SIGLEC11: variants seen among roughly 807,000 people sequenced by gnomAD.
SIGLEC11 encodes the protein sialic acid binding Ig like lectin 11.
SIGLEC11 carries 47 observed loss-of-function variants against 61.2 expected under a neutral mutation model. The ratio of observed to expected loss-of-function variants is 0.77; its 90% CI spans 0.61 to 0.98. The LOEUF (loss-of-function observed/expected upper bound fraction) is 0.98, where lower values mean the gene tolerates loss of function less well. Among genes scored for constraint, SIGLEC11 ranks in the 50% least tolerant of loss-of-function variants. The probability of loss-of-function intolerance (pLI) is 0.00; values close to 1 mark genes in which losing one functional copy is unlikely to be tolerated. For missense variants in SIGLEC11, 610 were observed against 870.3 expected (o/e 0.70, Z 3.76); for synonymous variants, 278 against 373.1 (o/e 0.75, Z 2.94).
chr19:49,955,399 G>A lies in SIGLEC11; in HGVS notation c.1651+2884C>T, dbSNP rs73932070. On this transcript the variant is annotated intron_variant, in intron 8 of 10. Coordinates refer to ENST00000447370, the MANE Select transcript of SIGLEC11 (RefSeq NM_052884.3). The surrounding 1 kb of genome is among the most constrained non-coding windows in gnomAD (Gnocchi z 4.5). The stretch of plus-strand genomic sequence containing the variant: ...CCTCTGGGCCTATAACGGCCCAGGG[G>A]TGGACTACGGCTGTGCAGATCCTAC... Among the ~76,000 whole-genome samples the A allele has an allele frequency of 7.1e-4, 108 of 152,260 alleles. No homozygotes were observed. Among genetic ancestry groups the A allele is most frequent in the African/African-American group, 2.6e-3 (106 of 41,546 alleles).
In SIGLEC11 at chr19:49,958,490, C is replaced by A; in HGVS notation, c.1444G>T (p.Ala482Ser). 1.2e-6 allele frequency: 2 copies of A among 1,610,830 alleles called. No homozygotes were observed. The highest frequency in any genetic ancestry group is 1.7e-6 in the Non-Finnish European group (2 of 1,178,932). Residue 482 changes from alanine (A) to serine (S), a missense_variant, in exon 8 of 11, where the codon GCC becomes TCC. Ala to Ser is a moderately conservative substitution (Grantham distance 99). Transcript: ENST00000447370. ...HCSCSSQASP[A>S]PSLRWWLGEE... ...CCAAGCCACCAGCGCAGAGAGGGGG[C>A]CGGGCTGGCCTGGGAGGAGCAGCTG...
chr19:49,960,612 C>A lies in SIGLEC11; in HGVS notation c.400G>T (p.Glu134Ter), dbSNP rs1316908823. 2 of 1,600,556 alleles carry A rather than the reference C, an allele frequency of 1.2e-6. No individual in the cohort carries two copies. The highest frequency in any genetic ancestry group is 3.4e-5 in the Admixed American group (2 of 59,700). Residue 134 changes from glutamate to a stop codon, truncating the protein, a stop_gained, in exon 2 of 11, where the codon GAG becomes TAG. Transcript: ENST00000447370. LOFTEE classifies it high-confidence loss of function. The part of the protein sequence containing the change: ...EDEAWYFFRV[E>*]RGSRVRHSFL... ...CTATGTCTCACACGGCTTCCTCTCT[C>A]CACCCGAAAGAAGTACCATGCCTCA... is the stretch of plus-strand genomic sequence containing the variant.
chr19:49,950,289 A>G, intron 10 of SIGLEC11, 53 bp from the exon 11 acceptor site: 11 of 1,421,826 alleles, frequency 7.7e-6, no homozygotes, highest in Non-Finnish European at 1.0e-5. Flanking sequence ...GCTAAGCGAG[A>G]GCAAGGAGGA....
intron 2 of SIGLEC11, 31 bp downstream of exon 2, chr19:49,960,521 G>T (rs2076236871): frequency 6.3e-7 from 1 of 1,592,680 alleles, no homozygotes; most frequent in African/African-American, 1.6e-5. Flanking sequence ...TCCCCAGTGT[G>T]ACAGGCAGGG....
chr19:49,960,445 A>G (rs369186094), intron 2 of SIGLEC11, 24 bp from the exon 3 acceptor site: 4 of 1,595,410 alleles, frequency 2.5e-6, no homozygotes, highest in Non-Finnish European at 3.4e-6. Flanking sequence ...CGGGTGGGAG[A>G]TTCTTGTGCT....
rs1251279879 is a variant in SIGLEC11 at position 49,951,246 on chromosome 19, T to C, written c.1830+645A>G. On this transcript the variant is annotated intron_variant, in intron 10 of 10. Coordinates refer to ENST00000447370, the MANE Select transcript of SIGLEC11 (RefSeq NM_052884.3). The surrounding 1 kb of genome is among the most constrained non-coding windows in gnomAD (Gnocchi z 4.6). ...GAGCGGTGCCCTGATGCTCCGTGCA[T>C]CTGTCACACTTCCTTGCTGGGAGAA... is the stretch of plus-strand genomic sequence containing the variant. Among the ~76,000 whole-genome samples, 5 of 152,182 alleles carry C rather than the reference T, an allele frequency of 3.3e-5. No homozygotes were observed. The highest frequency in any genetic ancestry group is 3.3e-4 in the Admixed American group (5 of 15,282).
At chr19:49,953,491 G>C (rs977872435) in intron 8 of SIGLEC11, among the ~76,000 whole-genome samples, 1 of 152,198 alleles carries the variant, frequency 6.6e-6, no homozygotes, top group Non-Finnish European at 1.5e-5. Flanking sequence ...GGCGAGAGTG[G>C]CTTACCACCC....
In SIGLEC11 at chr19:49,959,096, A is replaced by AC. The variant is rs752734381; in HGVS notation, c.1058-20dup. 5.0e-6 allele frequency: 8 copies of AC among 1,613,734 alleles called. No individual in the cohort carries two copies. The highest frequency in any genetic ancestry group is 5.9e-6 in the Non-Finnish European group (7 of 1,179,814). On this transcript the variant is annotated intron_variant, in intron 5 of 10. Coordinates refer to ENST00000447370, the MANE Select transcript of SIGLEC11 (RefSeq NM_052884.3). ...GGAGGATCTGAAATGGAGACAGGGG[A>AC]CCGGCTCTAGACAGACCAGGGGCTT...
At chr19:49,958,134 T>C (rs1600616385) in intron 8 of SIGLEC11, 149 bp downstream of exon 8, 17 of 1,118,918 alleles carry the variant, frequency 1.5e-5, no homozygotes, top group Non-Finnish European at 1.3e-6. Context: ...TTCCTCAGTT[T>C]CCCGCAACAA....
rs1275270950 is a variant in SIGLEC11, at chr19:49,958,773, G to C, written c.1233C>G (p.Gly411=). ...LSWTRWGQTV[G]PSQPSDPGVL... is the part of the protein sequence containing the mutation. ...CCCCGGGGTCTGAGGGCTGGGAGGG[G>C]CCCACGGTCTGTCCCCACCGGGTCC... The change falls in exon 7 of 11, where the codon GGC becomes GGG. Residue 411 remains glycine (G), a synonymous_variant. Coordinates refer to ENST00000447370, the MANE Select transcript of SIGLEC11 (RefSeq NM_052884.3). 6.2e-7 allele frequency: 1 copy of C among 1,613,810 alleles called. No individual in the cohort carries two copies.
chr19:49,959,681 G>GCC, intron 4 of SIGLEC11, 58 bp from the exon 5 acceptor site: 1 of 236,294 alleles, frequency 4.2e-6, no homozygotes. Context: ...TGGGAGGGGG[G>GCC]GCTGCAAAGA....
Position 49,949,918 on chromosome 19 carries a change from A to G in SIGLEC11, c.*52T>C. 7.3e-7 allele frequency: 1 copy of G among 1,373,012 alleles called. No individual in the cohort carries two copies. The highest frequency in any genetic ancestry group is 1.5e-5 in the African/African-American group (1 of 67,986). The allele number at this position is 1,373,012 out of a possible 1,614,324, so 85.1% of individuals were successfully genotyped here. A position where few individuals can be genotyped will look rare whatever the true frequency, so the allele number is the denominator to read the frequency against. On this transcript the variant is annotated 3_prime_UTR_variant, in exon 11 of 11. Transcript: ENST00000447370. ...ATCTGAGTCCAGTTCTGGCCGTCAC[A>G]CCAGTGCGACTCCCACACACTTGCT...
At chr19:49,952,415 G>C in intron 8 of SIGLEC11, 21 bp from the exon 9 acceptor site, 1 of 1,592,838 alleles carries the variant, frequency 6.3e-7, no homozygotes, top group Non-Finnish European at 8.5e-7. Flanking sequence ...GCAGGGTTTG[G>C]GGTGGTGCCC....
chr19:49,952,430 G>C (rs193287787), intron 8 of SIGLEC11, 36 bp from the exon 9 acceptor site: 1 of 1,540,824 alleles, frequency 6.5e-7, no homozygotes, highest in Non-Finnish European at 8.8e-7. Flanking sequence ...GTGCCCTCCT[G>C]GCCCTGAGAC....
chr19:49,955,654 G>C lies in SIGLEC11; in HGVS notation c.1651+2629C>G, dbSNP rs1239067203. ...CCCTCATAAAAAGAAAAATTAGCAG[G>C]CCGGGCATGGCGGCTCACACCTGTA... On this transcript the variant is annotated intron_variant, in intron 8 of 10. Coordinates refer to ENST00000447370, the MANE Select transcript of SIGLEC11 (RefSeq NM_052884.3). The surrounding 1 kb of genome is among the most constrained non-coding windows in gnomAD (Gnocchi z 4.5). Among the ~76,000 whole-genome samples the C allele has an allele frequency of 6.6e-6, 1 of 152,184 alleles. No homozygotes were observed. The highest frequency in any genetic ancestry group is 1.5e-5 in the Non-Finnish European group (1 of 68,030).
At position 49,958,789 on chromosome 19, in the gene SIGLEC11, C is replaced by T. The variant is rs746150139; in HGVS notation, c.1217G>A (p.Trp406Ter). 6.2e-6 allele frequency: 10 copies of T among 1,613,510 alleles called. No homozygotes were observed. The African/African-American group carries it at 9.3e-5, about 15-fold the overall frequency. Residue 406 changes from tryptophan (W) to a stop codon, truncating the protein, a stop_gained, in exon 7 of 11, where the codon TGG becomes TAG. Coordinates refer to ENST00000447370, the MANE Select transcript of SIGLEC11 (RefSeq NM_052884.3). LOFTEE classifies it high-confidence loss of function. ...CTGGGAGGGGCCCACGGTCTGTCCC[C>T]ACCGGGTCCAGCTCAGCCTGGCTGG... Reference protein sequence around the residue: ...SPPARLSWTRWGQTVGPSQPS... With the variant: ...SPPARLSWTR
chr19:49,958,830 G>A lies in SIGLEC11; in HGVS notation c.1176C>T (p.Val392=), dbSNP rs758267463. 1.2e-6 allele frequency: 2 copies of A among 1,612,118 alleles called. No individual in the cohort carries two copies. Among genetic ancestry groups the A allele is most frequent in the Non-Finnish European group, 8.5e-7 (1 of 1,178,978 alleles). The change falls in exon 7 of 11, where the codon GTC becomes GTT. Residue 392 remains valine, a synonymous_variant. Transcript: ENST00000447370. ...GCCTGGCTGGGGGGCTGCTGTGGGT[G>A]ACACAGACCAGGCGCAGGCTTTGGC... is the stretch of plus-strand genomic sequence containing the variant. ...LEGQSLRLVC[V]THSSPPARLS...
Position 49,958,643 on chromosome 19 carries a change from A to G in SIGLEC11, c.1363T>C (p.Tyr455His), listed in dbSNP as rs775191861. 6.7e-5 allele frequency: 106 copies of G among 1,585,338 alleles called. No individual in the cohort carries two copies. The Middle Eastern group carries it at 8.5e-4, about 13-fold the overall frequency. The change falls in exon 7 of 11, where the codon TAC (tyrosine) becomes CAC (histidine). Residue 455 changes from tyrosine (Y) to histidine (H), a missense_variant and splice_region_variant. Around this residue, in one of 6 missense-constraint regions of SIGLEC11, gnomAD observed 432 missense variants for 441.5 expected, o/e 0.98. Coordinates refer to ENST00000447370, the MANE Select transcript of SIGLEC11 (RefSeq NM_052884.3). ...CAGGTGTCCCCTTTCCCCCACTCAC[A>G]GTGCACGGAGAGGCTGAGAGAGACG... ...QHVSLSLSVH[Y>H]PPQLLGPSCS...
At position 49,955,415 on chromosome 19, in the gene SIGLEC11, C is replaced by T. The variant is rs1333258467; in HGVS notation, c.1651+2868G>A. Among the ~76,000 whole-genome samples, 2 of 151,664 alleles carry T rather than the reference C, an allele frequency of 1.3e-5. No individual in the cohort carries two copies. Among genetic ancestry groups the T allele is most frequent in the African/African-American group, 4.9e-5 (2 of 41,228 alleles). On this transcript the variant is annotated intron_variant, in intron 8 of 10. Transcript: ENST00000447370. This position sits in a 1 kb window ranked among gnomAD's most constrained non-coding sequence, Gnocchi z 4.5. ...GGCCCAGGGGTGGACTACGGCTGTG[C>T]AGATCCTACCTAGCCCAAAAAAGTA...
Sources: gnomAD v4.1 joint callset for allele counts (sites outside exome capture counted in the v4.1 genomes callset) on GRCh38, gnomAD v4.1.1 for gene constraint, gnomAD v4.1.1 regional missense constraint, Gnocchi (gnomAD v3.1) non-coding constraint, MANE v1.5 for transcripts, NCBI Gene and HGNC (gene_info 2026-07-23, HGNC 2026-07-21) for gene names.